DHX8: variants seen among roughly 807,000 people sequenced by gnomAD.
DHX8 encodes the protein DEAH-box helicase 8.
A neutral mutation model predicts 140.7 loss-of-function variants in DHX8; 67 were observed. The ratio of observed to expected loss-of-function variants is 0.48; its 90% confidence interval spans 0.39 to 0.58. The LOEUF (loss-of-function observed/expected upper bound fraction) is 0.58. Among genes scored for constraint, DHX8 ranks in the 20% least tolerant of loss-of-function variants. The pLI is 0.00. For synonymous variants in DHX8, 533 were observed against 553.2 expected (o/e 0.96, Z 0.51); for missense variants, 887 against 1,550.7 (o/e 0.57, Z 7.19).
At chr17:43,521,686 CT>C in intron 21 of DHX8, 121 bp downstream of exon 21, 5 of 959,220 alleles carry the variant, frequency 5.2e-6, no homozygotes, top group Non-Finnish European at 1.6e-6. Context: ...TCACATAACC[CT>C]TTTCCTCCAG....
chr17:43,504,146 A>T (rs1401806584), intron 11 of DHX8, among the ~76,000 whole-genome samples: 3 of 152,142 alleles, frequency 2.0e-5, no homozygotes, highest in Non-Finnish European at 4.4e-5. Context: ...GCAGTTATTT[A>T]AAAAGGGGAG....
At position 43,492,845 on chromosome 17, in the gene DHX8, G is replaced by C. The variant is rs747507470; in HGVS notation, c.668G>C (p.Arg223Pro). The change falls in exon 6 of 23, where the codon CGG (arginine) becomes CCG (proline). Residue 223 changes from arginine to proline, a missense_variant. This residue lies in a region of DHX8 where 304 missense variants were observed against 306.9 expected (regional missense o/e 0.99). Transcript: ENST00000262415. ...RERNKVKSRY[R>P]SRSRSQSPPK... The stretch of plus-strand genomic sequence containing the variant: ...AGGAATAAAGTGAAGTCTAGATATC[G>C]GTCCAGGAGCAGGAGTCAGAGTCCC... 1 of 1,614,174 alleles carries C rather than the reference G, an allele frequency of 6.2e-7. No individual in the cohort carries two copies. Among genetic ancestry groups the C allele is most frequent in the South Asian group, 1.1e-5 (1 of 91,078 alleles).
chr17:43,492,824 A>G lies in DHX8; in HGVS notation c.647A>G (p.Asn216Ser). ...TCACGTTCCAGGACCCGGGAGAGGAATAAAGTGAAGTCTAGATATCGGTCC... is the reference window on the plus strand; with the variant it reads ...TCACGTTCCAGGACCCGGGAGAGGAGTAAAGTGAAGTCTAGATATCGGTCC... ...SRSRSRTRER[N>S]KVKSRYRSRS... is the part of the protein sequence containing the mutation. The change falls in exon 6 of 23, where the codon AAT becomes AGT. Residue 216 changes from asparagine to serine, a missense_variant. Around this residue, in one of 9 missense-constraint regions of DHX8, gnomAD observed 304 missense variants for 306.9 expected, o/e 0.99. Coordinates refer to ENST00000262415, the MANE Select transcript of DHX8 (RefSeq NM_004941.3). The G allele has an allele frequency of 1.2e-6, 2 of 1,614,202 alleles. No homozygotes were observed. The highest frequency in any genetic ancestry group is 2.2e-5 in the South Asian group (2 of 91,078).
chr17:43,489,841 C>G (rs1344363774), intron 2 of DHX8, among the ~76,000 whole-genome samples: 3 of 152,108 alleles, frequency 2.0e-5, no homozygotes, highest in Non-Finnish European at 4.4e-5. Context: ...CCACCCGCCT[C>G]GGCCTTCCAA....
chr17:43,539,316 C>T (rs1284657622), intron 3 of DHX8, among the ~76,000 whole-genome samples: 2 of 152,082 alleles, frequency 1.3e-5, no homozygotes, highest in African/African-American at 2.4e-5. Flanking sequence ...TTGCCTTTTT[C>T]TTTTTTTCCT....
chr17:43,539,486 G>T (rs1971410107), intron 3 of DHX8, among the ~76,000 whole-genome samples: 1 of 152,116 alleles, frequency 6.6e-6, no homozygotes, highest in Admixed American at 6.5e-5. Flanking sequence ...TTACCTGTTT[G>T]TTATCTACCT....
At chr17:43,520,289 C>G (rs774834846) in intron 19 of DHX8, 22 bp downstream of exon 19, 1 of 1,611,018 alleles carries the variant, frequency 6.2e-7, no homozygotes, top group South Asian at 1.1e-5. Context: ...ACTCAACTTC[C>G]TGTGCTTTTG....
intron 6 of DHX8, 142 bp downstream of exon 6, chr17:43,493,182 T>G (rs539290657): frequency 8.0e-7 from 1 of 1,245,694 alleles, no homozygotes; most frequent in South Asian, 1.5e-5. Flanking sequence ...AATTGACTCT[T>G]TTGAAATGTT....
chr17:43,489,601 T>G (rs1807204), intron 2 of DHX8, 67 bp downstream of exon 2: 312,849 of 1,251,000 alleles, frequency 0.25, 42,269 homozygotes, highest in East Asian at 0.37. Context: ...TTGTTTGTTT[T>G]TTTTTTTGAG....
chr17:43,533,935 G>A (rs757183296), intron 2 of DHX8: 8 of 1,560,434 alleles, frequency 5.1e-6, no homozygotes, highest in East Asian at 2.4e-5. Flanking sequence ...GGGTCTGTGC[G>A]GGGACTCTGG....
downstream of DHX8, chr17:43,528,724 A>C: frequency 6.2e-7 from 1 of 1,614,100 alleles, no homozygotes; most frequent in South Asian, 1.1e-5. Flanking sequence ...AAACTTGTAC[A>C]CGTAACGCTC....
rs1251441946 is a variant in DHX8, at chr17:43,515,892, G to A, written c.2644-1275G>A. Among the ~76,000 whole-genome samples, 4 of 152,088 alleles carry A rather than the reference G, an allele frequency of 2.6e-5. No homozygotes were observed. The East Asian group carries it at 7.7e-4, about 29-fold the overall frequency. The stretch of plus-strand genomic sequence containing the variant: ...TAATTTGTAAATCCTGGTACTGTTT[G>A]TAACAACAGATGGTTTTGTCAGAAA... On this transcript the variant is annotated intron_variant, in intron 17 of 22. Transcript: ENST00000262415.
rs34924870 is a variant in DHX8 at position 43,538,140 on chromosome 17, C to CA, written c.*20+1661dup. 5.0e-3 allele frequency among the ~76,000 whole-genome samples: 550 copies of CA among 110,718 alleles called. 2 individuals are homozygous for CA. Among genetic ancestry groups the CA allele is most frequent in the Middle Eastern group, 0.015 (3 of 204 alleles). 72.6% of individuals were successfully genotyped at this position (110,718 alleles called of 152,430 possible). A position where few individuals can be genotyped will look rare whatever the true frequency, so the allele number is the denominator to read the frequency against. ...TGGGTGACAGAGCAAGACTCCATTT[C>CA]AAAAAAAAAAAAAAAAAAATTAGCT... On this transcript the variant is annotated intron_variant, in intron 3 of 3. Transcript: ENST00000589898.
intron 3 of DHX8, 65 bp from the exon 4 acceptor site, chr17:43,491,100 A>C: frequency 1.5e-6 from 1 of 654,854 alleles, no homozygotes; most frequent in Non-Finnish European, 2.3e-6. Flanking sequence ...TTATTTTGTT[A>C]ATCATTAATA....
chr17:43,537,952 C>A (rs921566929), intron 3 of DHX8, among the ~76,000 whole-genome samples: 5 of 152,080 alleles, frequency 3.3e-5, no homozygotes, highest in Admixed American at 2.0e-4. Context: ...CACAGTGAAA[C>A]CCTGTCTCTA....
At chr17:43,491,860 G>C (rs1470583650) in intron 4 of DHX8, among the ~76,000 whole-genome samples, 1 of 152,206 alleles carries the variant, frequency 6.6e-6, no homozygotes, top group Non-Finnish European at 1.5e-5. Flanking sequence ...GAAGAGTGCA[G>C]AGGGAGAGTT....
chr17:43,495,083 G>T (rs550185491), intron 8 of DHX8, among the ~76,000 whole-genome samples: 44 of 151,936 alleles, frequency 2.9e-4, no homozygotes, highest in Non-Finnish European at 5.7e-4. Flanking sequence ...CAAAGTGCTG[G>T]GATTACAGGC....
At chr17:43,528,804 G>A, downstream of DHX8, 1 of 1,398,284 alleles carries the variant, frequency 7.2e-7, no homozygotes, top group Non-Finnish European at 1.0e-6. Flanking sequence ...TATGGGGTAA[G>A]GTGGGGGAGT....
intron 2 of DHX8, chr17:43,532,527 C>A: frequency 1.3e-6 from 1 of 747,490 alleles, no homozygotes; most frequent in Non-Finnish European, 2.1e-6. Flanking sequence ...AGAAAAATAA[C>A]ATTCTTTTGA....
Sources: gnomAD v4.1 joint callset for allele counts (sites outside exome capture counted in the v4.1 genomes callset) on GRCh38, gnomAD v4.1.1 for gene constraint, gnomAD v4.1.1 regional missense constraint, MANE v1.5 for transcripts, NCBI Gene and HGNC (gene_info 2026-07-23, HGNC 2026-07-21) for gene names.